Variants in ATG5 observed in about 807,000 individuals in gnomAD.
ATG5 encodes the protein autophagy related 5, also known as autophagy protein 5.
A neutral mutation model predicts 36.5 loss-of-function variants in ATG5; 14 were observed. The observed-to-expected ratio is 0.38, with a 90% CI of 0.25 to 0.60. The LOEUF (loss-of-function observed/expected upper bound fraction) is 0.60, where lower values mean the gene tolerates loss of function less well. Ranked by LOEUF, ATG5 falls within the 20% of genes least tolerant of loss-of-function variation. The pLI, the probability that ATG5 is intolerant of heterozygous loss-of-function variation, is 0.60. For missense variants in ATG5, 195 were observed against 326.7 expected, an observed-to-expected ratio of 0.60 and a Z score of 3.11; for synonymous variants, 95 against 101.5, an observed-to-expected ratio of 0.94 and a Z score of 0.38.
At chr6:106,317,604 A>T (rs1770900681) in intron 1 of ATG5, among the ~76,000 whole-genome samples, 1 of 152,228 alleles carries the variant, frequency 6.6e-6, no homozygotes. Flanking sequence ...TCTTTCCAGC[A>T]TACTACTAGT....
At chr6:106,201,921 C>A in intron 7 of ATG5, 51 bp downstream of exon 7, 1 of 1,366,298 alleles carries the variant, frequency 7.3e-7, no homozygotes, top group Non-Finnish European at 1.0e-6. Flanking sequence ...GCTTATTTTA[C>A]TTCAGTAACA....
chr6:106,235,475 GT>G (rs201468168), intron 6 of ATG5, among the ~76,000 whole-genome samples: 9,570 of 152,094 alleles, frequency 0.063, 467 homozygotes, highest in Non-Finnish European at 0.094. Context: ...TTCCTGTTGA[GT>G]GGGGGGACTG....
chr6:106,298,818 T>C (rs1313155805), intron 3 of ATG5, among the ~76,000 whole-genome samples: 1 of 152,220 alleles, frequency 6.6e-6, no homozygotes, highest in East Asian at 1.9e-4. Flanking sequence ...TTATTTCTAA[T>C]GAATCTACTG....
intron 3 of ATG5, among the ~76,000 whole-genome samples, chr6:106,307,746 G>A (rs1026775435): frequency 4.6e-5 from 7 of 152,042 alleles, no homozygotes; most frequent in African/African-American, 1.7e-4. Context: ...ATGTTGGTCA[G>A]GCTGGTCTCG....
intron 7 of ATG5, among the ~76,000 whole-genome samples, chr6:106,196,599 C>T (rs1776201829): frequency 6.6e-6 from 1 of 152,028 alleles, no homozygotes; most frequent in African/African-American, 2.4e-5. Flanking sequence ...TGGCACATGC[C>T]TGTAATCCCA....
intron 5 of ATG5, among the ~76,000 whole-genome samples, chr6:106,268,708 G>T (rs142330944): frequency 2.6e-5 from 4 of 152,230 alleles, no homozygotes; most frequent in Non-Finnish European, 5.9e-5. Flanking sequence ...AAAAAAGAAT[G>T]ATTTTGTATC....
intron 4 of ATG5, among the ~76,000 whole-genome samples, chr6:106,280,843 A>C (rs565782421): frequency 2.8e-4 from 42 of 152,284 alleles, no homozygotes; most frequent in African/African-American, 9.9e-4. Context: ...ATTTAAGGCT[A>C]ATTTGACTCA....
intron 6 of ATG5, among the ~76,000 whole-genome samples, chr6:106,233,834 C>G (rs1261394203): frequency 6.6e-6 from 1 of 152,080 alleles, no homozygotes; most frequent in Non-Finnish European, 1.5e-5. Flanking sequence ...CACTGCACCC[C>G]CTCCATGCTG....
At chr6:106,214,441 T>C (rs1776965653) in intron 6 of ATG5, among the ~76,000 whole-genome samples, 1 of 152,164 alleles carries the variant, frequency 6.6e-6, no homozygotes, top group Non-Finnish European at 1.5e-5. Flanking sequence ...CCACTTTTAA[T>C]AGTCTTGACA....
At position 106,185,700 on chromosome 6, in the gene ATG5, A is replaced by G. The variant is rs1463495785; in HGVS notation, c.*840T>C. Reference sequence around the variant, plus strand: ...GACAGGCTTACAGTGATAAAACAACAAAGATGAACAGTTACAATATTTATA... The same window carrying G: ...GACAGGCTTACAGTGATAAAACAACGAAGATGAACAGTTACAATATTTATA... On this transcript the variant is annotated 3_prime_UTR_variant, in exon 8 of 8. Coordinates refer to ENST00000369076, the MANE Select transcript of ATG5 (RefSeq NM_004849.4). 6.6e-6 allele frequency: 1 copy of G among 152,354 alleles called. No homozygotes were observed. The highest frequency in any genetic ancestry group is 1.5e-5 in the Non-Finnish European group (1 of 68,030). The allele number at this position is 152,354 out of a possible 1,614,324, so 9.4% of individuals were successfully genotyped here. A position where few individuals can be genotyped will look rare whatever the true frequency, so the allele number is the denominator to read the frequency against.
At chr6:106,323,900 C>T (rs1354498199) in intron 1 of ATG5, among the ~76,000 whole-genome samples, 1 of 152,138 alleles carries the variant, frequency 6.6e-6, no homozygotes, top group Non-Finnish European at 1.5e-5. Flanking sequence ...TCCACTACTT[C>T]TTTCCCTCTT....
intron 7 of ATG5, among the ~76,000 whole-genome samples, chr6:106,191,376 T>C (rs1236602919): frequency 6.6e-6 from 1 of 152,256 alleles, no homozygotes; most frequent in East Asian, 1.9e-4. Flanking sequence ...CCATGATAGC[T>C]TCTCATTTAA....
At chr6:106,243,904 CTTTTTTT>C (rs35701133) in intron 6 of ATG5, among the ~76,000 whole-genome samples, 33 of 54,934 alleles carry the variant, frequency 6.0e-4, no homozygotes, top group African/African-American at 2.0e-3. Flanking sequence ...AGGAACCATC[CTTTTTTT>C]TTTTTTTTTT....
intron 2 of ATG5, among the ~76,000 whole-genome samples, chr6:106,313,403 C>T (rs753486190): frequency 6.6e-6 from 1 of 152,190 alleles, no homozygotes; most frequent in South Asian, 2.1e-4. Flanking sequence ...ATAAACGGAT[C>T]GCTGCCTAAT....
chr6:106,214,158 T>C (rs1258022958), intron 6 of ATG5, among the ~76,000 whole-genome samples: 1 of 152,178 alleles, frequency 6.6e-6, no homozygotes, highest in African/African-American at 2.4e-5. Flanking sequence ...TATCAAATTT[T>C]ACATCACATG....
intron 3 of ATG5, among the ~76,000 whole-genome samples, chr6:106,296,760 G>A (rs1769959803): frequency 6.6e-6 from 1 of 152,210 alleles, no homozygotes; most frequent in Admixed American, 6.5e-5. Flanking sequence ...GGAGGTTGCA[G>A]TGAGCCAAGA....
chr6:106,313,662 G>A (rs540133364), intron 2 of ATG5, among the ~76,000 whole-genome samples: 9 of 152,172 alleles, frequency 5.9e-5, no homozygotes, highest in Non-Finnish European at 1.0e-4. Context: ...GGATATAGGC[G>A]GAAAGATTAT....
rs893748868 is a variant in ATG5 at position 106,200,649 on chromosome 6, T to G, written c.691+1323A>C. ...CGCCACCACGCCCAGCTGATTTTTT[T>G]TGTGTGTTTTTTAGTAGAGACAGGG... On this transcript the variant is annotated intron_variant, in intron 7 of 7. Coordinates refer to ENST00000369076, the MANE Select transcript of ATG5 (RefSeq NM_004849.4). Among the ~76,000 whole-genome samples, 77 of 152,204 alleles carry G rather than the reference T, an allele frequency of 5.1e-4. 1 individual carries two copies. Among genetic ancestry groups the G allele is most frequent in the Admixed American group, 7.8e-4 (12 of 15,294 alleles).
chr6:106,270,636 T>C (rs574765862), intron 5 of ATG5, among the ~76,000 whole-genome samples: 10 of 152,352 alleles, frequency 6.6e-5, no homozygotes, highest in Non-Finnish European at 1.2e-4. Flanking sequence ...CTATTATGCA[T>C]TCTCCATCTG....
Sources: gnomAD v4.1 joint callset for allele counts (sites outside exome capture counted in the v4.1 genomes callset) on GRCh38, gnomAD v4.1.1 for gene constraint, MANE v1.5 for transcripts, NCBI Gene and HGNC (gene_info 2026-07-23, HGNC 2026-07-21) for gene names.